The following PARD3B variants were observed in gnomAD, a reference collection of about 807,000 sequenced individuals.
The protein encoded by PARD3B is par-3 family cell polarity regulator beta.
In PARD3B, 103 loss-of-function variants were observed where a neutral mutation model predicts 130.2. The ratio of observed to expected loss-of-function variants is 0.79; its 90% CI spans 0.67 to 0.93. The LOEUF (loss-of-function observed/expected upper bound fraction) is 0.93. Ranked by LOEUF, PARD3B falls within the 40% of genes least tolerant of loss-of-function variation. PARD3B has a pLI of 0.00. For missense variants in PARD3B, 1,609 were observed against 1,499.2 expected (o/e 1.07, Z -1.21); for synonymous variants, 583 against 553.2 (o/e 1.05, Z -0.76).
chr2:204,662,772 T>C lies in PARD3B; in HGVS notation c.121-23409T>C, dbSNP rs115660605. On this transcript the variant is annotated intron_variant, in intron 1 of 22. Transcript: ENST00000406610. The stretch of plus-strand genomic sequence containing the variant: ...TCATATAGTTGGGTGCCTCTGCCAT[T>C]ATTCATGCTAAGACACCAGCAGTTT... Among the ~76,000 whole-genome samples the C allele has an allele frequency of 7.4e-3, 1,124 of 152,278 alleles. 14 individuals are homozygous for C. Among genetic ancestry groups the C allele is most frequent in the African/African-American group, 0.026 (1,081 of 41,542 alleles).
intron 1 of PARD3B, among the ~76,000 whole-genome samples, chr2:204,604,601 G>T (rs905919138): frequency 8.5e-5 from 13 of 152,246 alleles, no homozygotes; most frequent in African/African-American, 2.9e-4. Flanking sequence ...TTTAATGTAA[G>T]AAGCACCTGC....
In PARD3B at chr2:205,156,276, G is replaced by A. The variant is rs749561596; in HGVS notation, c.1435-2446G>A. Among the ~76,000 whole-genome samples, 733 of 136,822 alleles carry A rather than the reference G, an allele frequency of 5.4e-3. 10 individuals carry two copies. The highest frequency in any genetic ancestry group is 9.0e-3 in the Non-Finnish European group (570 of 63,524). The allele number at this position is 136,822 out of a possible 152,430, so 89.8% of individuals were successfully genotyped here. A position where few individuals can be genotyped will look rare whatever the true frequency, so the allele number is the denominator to read the frequency against. On this transcript the variant is annotated intron_variant, in intron 10 of 22. Transcript: ENST00000406610. Reference sequence around the variant, plus strand: ...GGGGACTGTTGTGGGGTGGGCGGGGGGGGGAGGAATAGCATTAGGAGATAT... The same window carrying A: ...GGGGACTGTTGTGGGGTGGGCGGGGAGGGGAGGAATAGCATTAGGAGATAT...
chr2:204,987,720 T>C (rs1693287494), intron 3 of PARD3B, among the ~76,000 whole-genome samples: 1 of 152,236 alleles, frequency 6.6e-6, no homozygotes, highest in Non-Finnish European at 1.5e-5. Context: ...CTAAGGACTT[T>C]TCATTGTCTT....
chr2:204,743,317 T>G (rs1003573381), intron 2 of PARD3B, among the ~76,000 whole-genome samples: 6 of 152,162 alleles, frequency 3.9e-5, no homozygotes, highest in Non-Finnish European at 7.4e-5. Flanking sequence ...ATCTCTCTTT[T>G]GAAATCCTTA....
intron 1 of PARD3B, among the ~76,000 whole-genome samples, chr2:204,602,989 T>C (rs2033575260): frequency 6.6e-6 from 1 of 152,070 alleles, no homozygotes. Context: ...ATAATTGAAA[T>C]AAACCCCTTG....
At chr2:204,578,818 G>A (rs971053526) in intron 1 of PARD3B, among the ~76,000 whole-genome samples, 19 of 152,074 alleles carry the variant, frequency 1.2e-4, no homozygotes. Context: ...ACTCTACTAT[G>A]GGAAGTTTTG....
chr2:205,224,932 T>C (rs1054149522), intron 15 of PARD3B, among the ~76,000 whole-genome samples: 1 of 152,254 alleles, frequency 6.6e-6, no homozygotes, highest in Admixed American at 6.5e-5. Flanking sequence ...TTCCTATTTT[T>C]TATTATACTT....
chr2:205,357,932 C>G (rs1487148605), intron 18 of PARD3B, among the ~76,000 whole-genome samples: 7 of 152,182 alleles, frequency 4.6e-5, no homozygotes, highest in Non-Finnish European at 1.0e-4. Flanking sequence ...ATCTCCATAA[C>G]CATTTGTCAA....
rs922193607 is a variant in PARD3B at position 205,432,870 on chromosome 2, A to C, written c.2742-7500A>C. 2.6e-5 allele frequency among the ~76,000 whole-genome samples: 4 copies of C among 152,194 alleles called. No homozygotes were observed. In the East Asian group the frequency reaches 5.8e-4, roughly 22 times the overall value. On this transcript the variant is annotated intron_variant, in intron 19 of 22. Coordinates refer to ENST00000406610, the MANE Select transcript of PARD3B (RefSeq NM_001302769.2). ...CTACTTACTAAAAACATATTTTTTCATAAAGTACCAATTTGTAGGCCAGCC... is the reference window on the plus strand; with the variant it reads ...CTACTTACTAAAAACATATTTTTTCCTAAAGTACCAATTTGTAGGCCAGCC...
At chr2:205,408,058 G>A (rs777147028) in intron 19 of PARD3B, among the ~76,000 whole-genome samples, 2 of 152,188 alleles carry the variant, frequency 1.3e-5, no homozygotes, top group Non-Finnish European at 2.9e-5. Context: ...TGAACGGAAT[G>A]TCTAAGTGAG....
chr2:204,882,512 T>C (rs1221329855), intron 2 of PARD3B, among the ~76,000 whole-genome samples: 1 of 152,214 alleles, frequency 6.6e-6, no homozygotes, highest in Non-Finnish European at 1.5e-5. Flanking sequence ...TTGCCTCTTT[T>C]ATTTACCTCC....
chr2:205,284,979 A>T (rs1305533817), intron 16 of PARD3B, among the ~76,000 whole-genome samples: 1 of 132,014 alleles, frequency 7.6e-6, no homozygotes, highest in African/African-American at 2.9e-5. Flanking sequence ...TGATTTTAAA[A>T]TAAGCACAAA....
At chr2:204,861,347 A>C (rs2045196168) in intron 2 of PARD3B, among the ~76,000 whole-genome samples, 1 of 152,194 alleles carries the variant, frequency 6.6e-6, no homozygotes, top group South Asian at 2.1e-4. Flanking sequence ...AATTTAACAT[A>C]TCAAGAATGG....
At chr2:204,776,476 T>C (rs1320438321) in intron 2 of PARD3B, among the ~76,000 whole-genome samples, 3 of 152,204 alleles carry the variant, frequency 2.0e-5, no homozygotes, top group African/African-American at 7.2e-5. Flanking sequence ...TTCATCATTC[T>C]GTGGTAGTCT....
At position 204,545,703 on chromosome 2, in the gene PARD3B, G is replaced by A. The variant is rs1054986737; in HGVS notation, c.-297G>A. The A allele has an allele frequency of 3.6e-6, 1 of 281,530 alleles. No homozygotes were observed. Among genetic ancestry groups the A allele is most frequent in the Non-Finnish European group, 6.5e-6 (1 of 154,830 alleles). 17.4% of individuals were successfully genotyped at this position (281,530 alleles called of 1,614,324 possible). A position where few individuals can be genotyped will look rare whatever the true frequency, so the allele number is the denominator to read the frequency against. ...CGGAGCAGCCGCCTGGGCCGGGCAG[G>A]AGTAGGAGCGGGAGGAGGAGGAGGA... On this transcript the variant is annotated 5_prime_UTR_variant, in exon 1 of 23. Coordinates refer to ENST00000406610, the MANE Select transcript of PARD3B (RefSeq NM_001302769.2).
chr2:204,647,237 C>T lies in PARD3B; in HGVS notation c.121-38944C>T, dbSNP rs562531991. 8.6e-5 allele frequency among the ~76,000 whole-genome samples: 13 copies of T among 151,806 alleles called. No individual in the cohort carries two copies. In the East Asian group the frequency reaches 1.9e-3, roughly 23 times the overall value. On this transcript the variant is annotated intron_variant, in intron 1 of 22. Transcript: ENST00000406610. ...AGTTCCTTTCTAGATGTTTATTGGTCGTTTATTCTTTTCTGTAAAGTATTT... is the reference window on the plus strand; with the variant it reads ...AGTTCCTTTCTAGATGTTTATTGGTTGTTTATTCTTTTCTGTAAAGTATTT...
At position 204,644,621 on chromosome 2, in the gene PARD3B, G is replaced by A. The variant is rs142585041; in HGVS notation, c.121-41560G>A. Reference sequence around the variant, plus strand: ...ATTTAAATTTTAAAATATTTTAATTGGATATTAATGTATACTAATTTATTA... The same window carrying A: ...ATTTAAATTTTAAAATATTTTAATTAGATATTAATGTATACTAATTTATTA... On this transcript the variant is annotated intron_variant, in intron 1 of 22. Coordinates refer to ENST00000406610, the MANE Select transcript of PARD3B (RefSeq NM_001302769.2). Among the ~76,000 whole-genome samples the A allele has an allele frequency of 4.4e-3, 673 of 152,066 alleles. 3 individuals are homozygous for A. The highest frequency in any genetic ancestry group is 0.017 in the Middle Eastern group (5 of 292).
At chr2:204,836,577 C>T (rs1193453523) in intron 2 of PARD3B, among the ~76,000 whole-genome samples, 1 of 152,106 alleles carries the variant, frequency 6.6e-6, no homozygotes, top group Non-Finnish European at 1.5e-5. Context: ...GCAGCAGAAT[C>T]GCTTGAACCC....
At chr2:204,738,264 C>T (rs1574855872) in intron 2 of PARD3B, among the ~76,000 whole-genome samples, 1 of 152,008 alleles carries the variant, frequency 6.6e-6, no homozygotes, top group South Asian at 2.1e-4. Context: ...TTTTGTAGTT[C>T]TCCTTGTGGA....
Sources: allele counts gnomAD v4.1 joint callset (sites outside exome capture counted in the v4.1 genomes callset), GRCh38; gene constraint gnomAD v4.1.1; transcripts MANE v1.5; gene names NCBI Gene and HGNC (gene_info 2026-07-23, HGNC 2026-07-21).